ZBED6: variants seen among roughly 807,000 people sequenced by gnomAD.
ZBED6 encodes the protein zinc finger BED-type containing 6, also known as zinc finger BED domain-containing protein 6.
Under a neutral mutation model 58.4 loss-of-function variants are expected in ZBED6, and 40 were observed. The ratio of observed to expected loss-of-function variants is 0.68; its 90% CI spans 0.53 to 0.89. The LOEUF (loss-of-function observed/expected upper bound fraction) is 0.89. Among genes scored for constraint, ZBED6 ranks in the 40% least tolerant of loss-of-function variants. The probability of loss-of-function intolerance (pLI) is 0.00; values close to 1 mark genes in which losing one functional copy is unlikely to be tolerated. For missense variants in ZBED6, 1,057 were observed against 1,003.9 expected, an observed-to-expected ratio of 1.05 and a Z score of -0.71; for synonymous variants, 439 against 350.6, an observed-to-expected ratio of 1.25 and a Z score of -2.82.
chr1:203,852,493 A>T (rs1340822208), exon 17 of ZBED6: 108 of 1,414,324 alleles, frequency 7.6e-5, no homozygotes, highest in Non-Finnish European at 1.0e-4. Context: ...TCATTTCTTT[A>T]GTCTAGAATT....
At chr1:203,797,901 A>G (rs1669159059) in exon 1 of ZBED6, 6 of 1,536,084 alleles carry the variant, frequency 3.9e-6, no homozygotes, top group Non-Finnish European at 4.4e-6. Context: ...CTATCTACCT[A>G]GTACTAGAGC....
chr1:203,809,202 G>A (rs1673457881), intron 1 of ZBED6, among the ~76,000 whole-genome samples: 1 of 107,478 alleles, frequency 9.3e-6, no homozygotes, highest in Non-Finnish European at 1.8e-5. Context: ...TTGAGATGGA[G>A]TCTTGCTTTG....
At chr1:203,820,326 C>T (rs1226265296) in intron 3 of ZBED6, among the ~76,000 whole-genome samples, 3 of 151,978 alleles carry the variant, frequency 2.0e-5, no homozygotes, top group African/African-American at 7.2e-5. Context: ...TTGCTCAGTC[C>T]TGCCTTGCGT....
chr1:203,838,208 G>C (rs965987860), intron 10 of ZBED6, 144 bp downstream of exon 10: 1 of 813,652 alleles, frequency 1.2e-6, no homozygotes, highest in Non-Finnish European at 1.9e-6. Flanking sequence ...ACAAACATTT[G>C]ATCCTTAGTC....
intron 1 of ZBED6, among the ~76,000 whole-genome samples, chr1:203,816,718 A>G (rs949363996): frequency 6.6e-6 from 1 of 152,206 alleles, no homozygotes; most frequent in Non-Finnish European, 1.5e-5. Flanking sequence ...CACAGAGAAT[A>G]TAAAAGAAGG....
chr1:203,800,122 T>C, exon 1 of ZBED6: 19 of 1,536,120 alleles, frequency 1.2e-5, no homozygotes, highest in Non-Finnish European at 1.7e-5. Flanking sequence ...GTAGCAGTTG[T>C]GGATGAGTAC....
rs575092608 is a variant in ZBED6, at chr1:203,808,056, T to C, written c.*2554+5040T>C. Among the ~76,000 whole-genome samples the C allele has an allele frequency of 1.2e-4, 18 of 152,286 alleles. No homozygotes were observed. In the South Asian group the frequency reaches 1.9e-3, roughly 16 times the overall value. ...CATGCCTGGCCTGTTTTGTTTTTTTTCTACTTTTATTGAGTACTTTTTTGT... is the reference window on the plus strand; with the variant it reads ...CATGCCTGGCCTGTTTTGTTTTTTTCCTACTTTTATTGAGTACTTTTTTGT... On this transcript the variant is annotated intron_variant, in intron 1 of 16. Coordinates refer to ENST00000550078, the Ensembl canonical transcript of ZBED6.
At chr1:203,832,169 G>A (rs1015800165) in intron 8 of ZBED6, among the ~76,000 whole-genome samples, 2 of 151,962 alleles carry the variant, frequency 1.3e-5, no homozygotes, top group Middle Eastern at 3.2e-3. Flanking sequence ...AGCAATTTTC[G>A]TGTCTCGGCC....
At chr1:203,820,603 G>A (rs1678285117) in intron 3 of ZBED6, among the ~76,000 whole-genome samples, 1 of 151,846 alleles carries the variant, frequency 6.6e-6, no homozygotes, top group African/African-American at 2.4e-5. Flanking sequence ...TCAACCTCTC[G>A]AGTAGCTGGG....
exon 8 of ZBED6, chr1:203,831,739 T>C: frequency 6.2e-7 from 1 of 1,612,808 alleles, no homozygotes; most frequent in Non-Finnish European, 8.5e-7. Flanking sequence ...GTCAGGACTG[T>C]GGTGAGGACA....
chr1:203,803,042 G>A (rs1376133815), intron 1 of ZBED6, 26 bp downstream of exon 1: 4 of 152,446 alleles, frequency 2.6e-5, no homozygotes. Flanking sequence ...GGCATTTTTC[G>A]CATGAAAGGA....
intron 1 of ZBED6, among the ~76,000 whole-genome samples, chr1:203,815,216 C>CTTTTCTTTTTTT (rs1553261508): frequency 4.1e-5 from 4 of 97,152 alleles, no homozygotes; most frequent in African/African-American, 1.6e-4. Flanking sequence ...CTTTTCTTTT[C>CTTTTCTTTTTTT]TTTTTTTTTT....
chr1:203,812,796 C>G (rs1255333653), intron 1 of ZBED6, among the ~76,000 whole-genome samples: 1 of 151,734 alleles, frequency 6.6e-6, no homozygotes, highest in African/African-American at 2.4e-5. Flanking sequence ...TTGCCAAGCT[C>G]GTCTTGAACT....
chr1:203,849,614 T>G lies in ZBED6; in HGVS notation c.*4323-97T>G, dbSNP rs778140645. 155 of 1,151,202 alleles carry G rather than the reference T, an allele frequency of 1.3e-4. 1 individual carries two copies. The highest frequency in any genetic ancestry group is 1.9e-4 in the Non-Finnish European group (151 of 792,002). 71.3% of individuals were successfully genotyped at this position (1,151,202 alleles called of 1,614,324 possible). On this transcript the variant is annotated intron_variant, in intron 13 of 16. Transcript: ENST00000550078. ...CTTTTCTCTCAGATTCTGGATCATG[T>G]GAGATTCTGCTTAACTTAGATGTTA...
In ZBED6 at chr1:203,829,330, GA is replaced by G. The variant is rs1681526693; in HGVS notation, c.*2998-118del. The G allele has an allele frequency of 4.0e-6, 4 of 1,006,274 alleles. No homozygotes were observed. The South Asian group carries it at 6.4e-5, about 16-fold the overall frequency. The allele number at this position is 1,006,274 out of a possible 1,614,324, so 62.3% of individuals were successfully genotyped here. The stretch of plus-strand genomic sequence containing the variant: ...CCTGGGACTTTAGAACTTAAATGAG[GA>G]AATTTAGTATAAATGCTCATAAGAC... On this transcript the variant is annotated intron_variant, in intron 4 of 16. Coordinates refer to ENST00000550078, the Ensembl canonical transcript of ZBED6.
exon 1 of ZBED6, chr1:203,799,677 C>A: frequency 1.4e-6 from 1 of 707,612 alleles, no homozygotes; most frequent in Non-Finnish European, 2.6e-6. Context: ...AATCCATCAT[C>A]TACTCCTTTC....
chr1:203,841,362 C>G (rs769336141), intron 11 of ZBED6, among the ~76,000 whole-genome samples: 2 of 152,056 alleles, frequency 1.3e-5, no homozygotes, highest in Admixed American at 6.6e-5. Flanking sequence ...TGACTCTTAA[C>G]GAGCATGCTG....
chr1:203,800,012 C>G (rs1167044460), exon 1 of ZBED6: 14 of 1,536,074 alleles, frequency 9.1e-6, no homozygotes, highest in Non-Finnish European at 1.1e-5. Context: ...ATTCATTTAC[C>G]TCATCTCTAA....
chr1:203,847,949 A>G (rs1688331189), intron 12 of ZBED6, among the ~76,000 whole-genome samples: 1 of 151,984 alleles, frequency 6.6e-6, no homozygotes, highest in South Asian at 2.1e-4. Flanking sequence ...TCCACCTCCT[A>G]GGTTCAAGTG....
Sources: allele counts gnomAD v4.1 joint callset (sites outside exome capture counted in the v4.1 genomes callset), GRCh38; gene constraint gnomAD v4.1.1; transcripts MANE v1.5; gene names NCBI Gene and HGNC (gene_info 2026-07-23, HGNC 2026-07-21).